IQCB1: variants seen among roughly 807,000 people sequenced by gnomAD.
IQCB1 encodes IQ calmodulin-binding motif-containing protein 1.
In IQCB1, 56 loss-of-function variants were observed where a neutral mutation model predicts 84.4. The observed-to-expected ratio is 0.66, with a 90% confidence interval of 0.54 to 0.83. IQCB1 has a LOEUF of 0.83. Ranked by LOEUF, IQCB1 falls within the 40% of genes least tolerant of loss-of-function variation. The pLI, the probability that IQCB1 is intolerant of heterozygous loss-of-function variation, is 0.00. For missense variants in IQCB1, 629 were observed against 682.1 expected, an observed-to-expected ratio of 0.92 and a Z score of 0.87; for synonymous variants, 210 against 234.8, an observed-to-expected ratio of 0.89 and a Z score of 0.96.
At chr3:121,812,545 T>C (rs1257510460) in intron 5 of IQCB1, among the ~76,000 whole-genome samples, 1 of 152,168 alleles carries the variant, frequency 6.6e-6, no homozygotes, top group African/African-American at 2.4e-5. Context: ...GACAAATTGC[T>C]AACTAGAATA....
intron 5 of IQCB1, among the ~76,000 whole-genome samples, chr3:121,818,337 T>C (rs1047589257): frequency 6.6e-6 from 1 of 152,240 alleles, no homozygotes; most frequent in Non-Finnish European, 1.5e-5. Flanking sequence ...TCATTACTTA[T>C]TTTTGGATTC....
At position 121,828,613 on chromosome 3, in the gene IQCB1, A is replaced by T. The variant is rs936730345; in HGVS notation, c.120T>A (p.Pro40=). Residue 40 remains proline (P), a synonymous_variant, in exon 4 of 15, where the codon CCT becomes CCA. Coordinates refer to ENST00000310864, the MANE Select transcript of IQCB1 (RefSeq NM_001023570.4). ...LKLKEIINIT[P]LGSSELKKIK... ...TTTTCTTCAACTCTGAGCTTCCTAA[A>T]GGTGTGATGTTTATTATTTCTAAGG... The T allele has an allele frequency of 2.5e-6, 4 of 1,600,470 alleles. No individual in the cohort carries two copies. The Admixed American group carries it at 5.0e-5, about 20-fold the overall frequency.
intron 13 of IQCB1, among the ~76,000 whole-genome samples, chr3:121,776,439 C>A (rs1289933326): frequency 6.6e-6 from 1 of 152,166 alleles, no homozygotes; most frequent in Non-Finnish European, 1.5e-5. Context: ...AACTGTCTTC[C>A]AAAGTAGTTG....
At chr3:121,786,660 G>A (rs1948752264) in intron 12 of IQCB1, among the ~76,000 whole-genome samples, 1 of 152,122 alleles carries the variant, frequency 6.6e-6, no homozygotes, top group African/African-American at 2.4e-5. Context: ...TTAGCTAGAG[G>A]AGATATGAGG....
chr3:121,796,708 A>C (rs1332712779), intron 9 of IQCB1, among the ~76,000 whole-genome samples: 1 of 152,196 alleles, frequency 6.6e-6, no homozygotes, highest in East Asian at 1.9e-4. Context: ...TTATAGATAA[A>C]AGAAGATAAA....
intron 12 of IQCB1, among the ~76,000 whole-genome samples, chr3:121,784,768 A>T (rs1432056487): frequency 6.6e-6 from 1 of 152,040 alleles, no homozygotes; most frequent in Non-Finnish European, 1.5e-5. Context: ...TGCAGCCTCA[A>T]CCTCCTGGGC....
chr3:121,781,400 T>C (rs1360317023), intron 13 of IQCB1, among the ~76,000 whole-genome samples: 1 of 152,130 alleles, frequency 6.6e-6, no homozygotes, highest in Admixed American at 6.5e-5. Flanking sequence ...TGAATAATCA[T>C]TGATTGACAG....
chr3:121,796,499 A>G (rs1949199275), intron 9 of IQCB1, among the ~76,000 whole-genome samples: 3 of 152,238 alleles, frequency 2.0e-5, no homozygotes, highest in East Asian at 1.9e-4. Flanking sequence ...TGAGTATGCT[A>G]GAGGAAGTAT....
intron 13 of IQCB1, among the ~76,000 whole-genome samples, chr3:121,781,061 G>A (rs377647330): frequency 1.3e-5 from 2 of 152,188 alleles, no homozygotes; most frequent in African/African-American, 2.4e-5. Context: ...GTGAAAGCAC[G>A]GGAGAAGCAG....
At chr3:121,787,659 G>A (rs1576554579) in intron 12 of IQCB1, among the ~76,000 whole-genome samples, 1 of 151,776 alleles carries the variant, frequency 6.6e-6, no homozygotes, top group Admixed American at 6.6e-5. Context: ...GCTGAGGCAG[G>A]AGAATTGCTT....
chr3:121,817,612 T>C (rs1284351946), intron 5 of IQCB1, among the ~76,000 whole-genome samples: 2 of 152,136 alleles, frequency 1.3e-5, no homozygotes, highest in Admixed American at 1.3e-4. Flanking sequence ...CCTTTTCTAC[T>C]CTATTAGCCT....
At chr3:121,823,497 G>T (rs575869836) in intron 5 of IQCB1, among the ~76,000 whole-genome samples, 58 of 152,102 alleles carry the variant, frequency 3.8e-4, no homozygotes, top group African/African-American at 1.2e-3. Context: ...ATGACAAGAA[G>T]AATGAAGGCT....
chr3:121,820,769 C>A (rs1456925738), intron 5 of IQCB1, among the ~76,000 whole-genome samples: 1 of 151,674 alleles, frequency 6.6e-6, no homozygotes, highest in Non-Finnish European at 1.5e-5. Context: ...CTTTTATATT[C>A]TTACAATTTT....
rs964763574 is a variant in IQCB1 at position 121,825,116 on chromosome 3, A to G, written c.393+935T>C. Among the ~76,000 whole-genome samples, 3 of 149,128 alleles carry G rather than the reference A, an allele frequency of 2.0e-5. No individual in the cohort carries two copies. In the South Asian group the frequency reaches 6.3e-4, roughly 31 times the overall value. ...GCTCTTGTTGCCCAGGCTGGAGAGCAATGGCACTATCTTGGCTCACTGCAA... is the reference window on the plus strand; with the variant it reads ...GCTCTTGTTGCCCAGGCTGGAGAGCGATGGCACTATCTTGGCTCACTGCAA... On this transcript the variant is annotated intron_variant, in intron 5 of 14. Coordinates refer to ENST00000310864, the MANE Select transcript of IQCB1 (RefSeq NM_001023570.4).
chr3:121,827,432 G>A (rs1950499616), intron 4 of IQCB1, among the ~76,000 whole-genome samples: 1 of 151,638 alleles, frequency 6.6e-6, no homozygotes, highest in African/African-American at 2.4e-5. Flanking sequence ...TATCTTTTTT[G>A]ATTGAGAAGA....
intron 7 of IQCB1, among the ~76,000 whole-genome samples, chr3:121,806,026 C>T (rs1467159031): frequency 4.6e-5 from 7 of 152,054 alleles, no homozygotes; most frequent in Non-Finnish European, 5.9e-5. Flanking sequence ...CTTGTTTATT[C>T]CTTTTTCTCT....
At position 121,775,951 on chromosome 3, in the gene IQCB1, AT is replaced by A. The variant is rs1377080302; in HGVS notation, c.1411-3239del. On this transcript the variant is annotated intron_variant, in intron 13 of 14. Transcript: ENST00000310864. ...TTAATGTTACTATAGATTGGTTTAT[AT>A]TTTTAGAATTTACATAAAGGGAATC... 9.2e-5 allele frequency among the ~76,000 whole-genome samples: 14 copies of A among 152,236 alleles called. No homozygotes were observed. The South Asian group carries it at 2.3e-3, about 25-fold the overall frequency.
rs542017184 is a variant in IQCB1 at position 121,812,716 on chromosome 3, A to G, written c.394-3707T>C. 2.6e-5 allele frequency among the ~76,000 whole-genome samples: 4 copies of G among 152,348 alleles called. No homozygotes were observed. The East Asian group carries it at 7.7e-4, about 29-fold the overall frequency. The stretch of plus-strand genomic sequence containing the variant: ...TGAAATAAAGTGTGAAGACAAGATT[A>G]GAGAAAGAAGAATGAAAAGAAATGA... On this transcript the variant is annotated intron_variant, in intron 5 of 14. Coordinates refer to ENST00000310864, the MANE Select transcript of IQCB1 (RefSeq NM_001023570.4).
At position 121,797,369 on chromosome 3, in the gene IQCB1, C is replaced by T. The variant is rs563409394; in HGVS notation, c.767-142G>A. The T allele has an allele frequency of 1.4e-3, 698 of 484,640 alleles. 2 individuals are homozygous for T. The highest frequency in any genetic ancestry group is 1.9e-3 in the Non-Finnish European group (534 of 279,466). The allele number at this position is 484,640 out of a possible 1,614,324, so 30.0% of individuals were successfully genotyped here. A position where few individuals can be genotyped will look rare whatever the true frequency, so the allele number is the denominator to read the frequency against. On this transcript the variant is annotated intron_variant, in intron 8 of 14. Coordinates refer to ENST00000310864, the MANE Select transcript of IQCB1 (RefSeq NM_001023570.4). Reference sequence around the variant, plus strand: ...ATTAATCATATGATTTTTCTTTTTCCTTTTCTCAGAGAATTCCAGGTTGAA... The same window carrying T: ...ATTAATCATATGATTTTTCTTTTTCTTTTTCTCAGAGAATTCCAGGTTGAA...
Sources: allele counts gnomAD v4.1 joint callset (sites outside exome capture counted in the v4.1 genomes callset), GRCh38; gene constraint gnomAD v4.1.1; transcripts MANE v1.5; gene names NCBI Gene and HGNC (gene_info 2026-07-23, HGNC 2026-07-21).